The following PRDM16 variants were observed in gnomAD, a reference collection of about 807,000 sequenced individuals.
PRDM16 encodes histone-lysine N-methyltransferase PRDM16.
Under a neutral mutation model 110.6 loss-of-function variants are expected in PRDM16, and 23 were observed. The ratio of observed to expected loss-of-function variants is 0.21; its 90% CI spans 0.15 to 0.29. PRDM16 has a LOEUF of 0.29. PRDM16 is among the 10% of genes least tolerant of loss of function. The pLI is 1.00. For synonymous variants in PRDM16, 799 were observed against 781.8 expected (o/e 1.02, Z -0.37); for missense variants, 1,615 against 1,794.3 (o/e 0.90, Z 1.81).
Position 3,148,082 on chromosome 1 carries a change from C to T in PRDM16, c.38-38043C>T, listed in dbSNP as rs908068100. On this transcript the variant is annotated intron_variant, in intron 1 of 16. Coordinates refer to ENST00000270722, the MANE Select transcript of PRDM16 (RefSeq NM_022114.4). This position sits in a 1 kb window ranked among gnomAD's most constrained non-coding sequence, Gnocchi z 5.0. ...AAGTTCGGCCTTTGGCGTCTTCTCT[C>T]GGGGGCCCTCTGTCCGCCTCAGTTG... Among the ~76,000 whole-genome samples, 2 of 152,098 alleles carry T rather than the reference C, an allele frequency of 1.3e-5. No individual in the cohort carries two copies. Among genetic ancestry groups the T allele is most frequent in the Non-Finnish European group, 2.9e-5 (2 of 68,022 alleles).
At chr1:3,330,493 T>C (rs1209136133) in intron 3 of PRDM16, among the ~76,000 whole-genome samples, 1 of 152,184 alleles carries the variant, frequency 6.6e-6, no homozygotes, top group Non-Finnish European at 1.5e-5. Context: ...TCTGCTCTTC[T>C]TCCCATCTGC....
At chr1:3,173,285 T>C (rs17390062) in intron 1 of PRDM16, among the ~76,000 whole-genome samples, 9,488 of 152,262 alleles carry the variant, frequency 0.062, 431 homozygotes, top group Non-Finnish European at 0.086. Flanking sequence ...CAAAGAGGCT[T>C]TTTACCCGGA....
Position 3,390,092 on chromosome 1 carries a change from C to T in PRDM16, c.573+4806C>T, listed in dbSNP as rs1405119414. ...ATGTTTCAGGAGACACAGACAGGGA[C>T]AGTTCCTGAATTTGTTTTAACGTGA... On this transcript the variant is annotated intron_variant, in intron 4 of 16. Transcript: ENST00000270722. This position sits in a 1 kb window ranked among gnomAD's most constrained non-coding sequence, Gnocchi z 5.0. 2.0e-5 allele frequency among the ~76,000 whole-genome samples: 3 copies of T among 152,124 alleles called. No homozygotes were observed. Among genetic ancestry groups the T allele is most frequent in the South Asian group, 4.2e-4 (2 of 4,818 alleles).
intron 1 of PRDM16, among the ~76,000 whole-genome samples, chr1:3,183,366 C>T (rs1012167355): frequency 1.2e-4 from 18 of 152,368 alleles, no homozygotes; most frequent in Admixed American, 3.9e-4. Flanking sequence ...GTGATCTGTG[C>T]CTGGCCTGCT....
intron 2 of PRDM16, among the ~76,000 whole-genome samples, chr1:3,218,380 C>G (rs1450867777): frequency 6.6e-6 from 1 of 152,202 alleles, no homozygotes; most frequent in Admixed American, 6.5e-5. Context: ...AGGTGCTGGC[C>G]AGCAGCCCCA....
intron 14 of PRDM16, among the ~76,000 whole-genome samples, 200 bp downstream of exon 14, chr1:3,426,425 A>T (rs1638609247): frequency 6.6e-6 from 1 of 151,710 alleles, no homozygotes; most frequent in Non-Finnish European, 1.5e-5. Flanking sequence ...CAGTTCCTCC[A>T]CCTGGAGAGT....
chr1:3,244,166 G>A lies in PRDM16; in HGVS notation c.438+29G>A, dbSNP rs1408908183. 6.2e-7 allele frequency: 1 copy of A among 1,610,896 alleles called. No individual in the cohort carries two copies. The highest frequency in any genetic ancestry group is 1.1e-5 in the South Asian group (1 of 91,046). ...GGAGAGCTCGCCCTGCGCCGTCTCAGCTCCCCAGCGTCCTCGGAGCTCCTG... is the reference window on the plus strand; with the variant it reads ...GGAGAGCTCGCCCTGCGCCGTCTCAACTCCCCAGCGTCCTCGGAGCTCCTG... On this transcript the variant is annotated intron_variant, in intron 3 of 16. Coordinates refer to ENST00000270722, the MANE Select transcript of PRDM16 (RefSeq NM_022114.4). This position sits in a 1 kb window ranked among gnomAD's most constrained non-coding sequence, Gnocchi z 4.1.
chr1:3,333,398 G>A (rs1642082192), intron 3 of PRDM16, among the ~76,000 whole-genome samples: 1 of 152,198 alleles, frequency 6.6e-6, no homozygotes, highest in African/African-American at 2.4e-5. Context: ...TGGCCTGGCT[G>A]CAGGATCTCA....
intron 1 of PRDM16, among the ~76,000 whole-genome samples, chr1:3,083,271 C>G (rs1460365132): frequency 2.0e-5 from 3 of 152,198 alleles, no homozygotes; most frequent in Non-Finnish European, 4.4e-5. Flanking sequence ...AAGCAGCAAC[C>G]TGGCGGCTGG....
intron 1 of PRDM16, among the ~76,000 whole-genome samples, chr1:3,173,578 G>A (rs1302792666): frequency 6.6e-6 from 1 of 152,256 alleles, no homozygotes; most frequent in South Asian, 2.1e-4. Context: ...TTCGTGGGCA[G>A]TGGCTTCGTG....
intron 3 of PRDM16, among the ~76,000 whole-genome samples, chr1:3,250,389 G>A (rs1055019188): frequency 1.3e-5 from 2 of 152,128 alleles, no homozygotes; most frequent in Non-Finnish European, 2.9e-5. Context: ...TTAATGGCCC[G>A]TTAGCATGGC....
Position 3,412,519 on chromosome 1 carries a change from TCTC to T in PRDM16, c.2323_2325del (p.Leu775del). On this transcript the variant is annotated inframe_deletion, in exon 9 of 17. Transcript: ENST00000270722. ...GCCCCAGTGCCGAGTGCCCCTTTGA[TCTC>T]ACCACCAAGCCCAAAGACGTGAAGC... is the stretch of plus-strand genomic sequence containing the variant. The T allele has an allele frequency of 6.2e-7, 1 of 1,612,864 alleles. No individual in the cohort carries two copies. The highest frequency in any genetic ancestry group is 8.5e-7 in the Non-Finnish European group (1 of 1,179,968).
chr1:3,367,828 G>GGGATT (rs2100571864), intron 3 of PRDM16, among the ~76,000 whole-genome samples: 1 of 152,306 alleles, frequency 6.6e-6, no homozygotes, highest in East Asian at 1.9e-4. Flanking sequence ...TTAATTAAAT[G>GGGATT]GGATATGAAA....
At chr1:3,084,716 C>A (rs1642111048) in intron 1 of PRDM16, among the ~76,000 whole-genome samples, 1 of 152,144 alleles carries the variant, frequency 6.6e-6, no homozygotes. Context: ...CTTCAAAAAA[C>A]ACAGTGGGGC....
In PRDM16 at chr1:3,420,812, T is replaced by C. The variant is rs370164236; in HGVS notation, c.2939+2068T>C. Among the ~76,000 whole-genome samples, 20 of 152,186 alleles carry C rather than the reference T, an allele frequency of 1.3e-4. 1 individual carries two copies. The highest frequency in any genetic ancestry group is 4.8e-4 in the African/African-American group (20 of 41,532). On this transcript the variant is annotated intron_variant, in intron 12 of 16. Coordinates refer to ENST00000270722, the MANE Select transcript of PRDM16 (RefSeq NM_022114.4). Reference sequence around the variant, plus strand: ...GGTTGGAGAAGCATGAAAATTGAACTGGGAGTGGGGAGAGGGGCTGCTCCT... The same window carrying C: ...GGTTGGAGAAGCATGAAAATTGAACCGGGAGTGGGGAGAGGGGCTGCTCCT...
chr1:3,204,532 G>A (rs1462764053), intron 2 of PRDM16, among the ~76,000 whole-genome samples: 1 of 152,218 alleles, frequency 6.6e-6, no homozygotes, highest in Non-Finnish European at 1.5e-5. Context: ...CCCTGCCCCT[G>A]TCCCAGGGGA....
chr1:3,142,668 G>A (rs1285938654), intron 1 of PRDM16, among the ~76,000 whole-genome samples: 2 of 152,172 alleles, frequency 1.3e-5, no homozygotes, highest in Non-Finnish European at 2.9e-5. Context: ...GCAACGGAAC[G>A]CCTGGGATTC....
intron 1 of PRDM16, among the ~76,000 whole-genome samples, chr1:3,092,082 A>C (rs1220915703): frequency 1.3e-5 from 2 of 151,980 alleles, no homozygotes; most frequent in African/African-American, 2.4e-5. Context: ...GCAGGATCGC[A>C]GGATGCTCCC....
At chr1:3,227,727 AC>A (rs950417149) in intron 2 of PRDM16, among the ~76,000 whole-genome samples, 1 of 152,138 alleles carries the variant, frequency 6.6e-6, no homozygotes, top group African/African-American at 2.4e-5. Flanking sequence ...GCCAGCCCTA[AC>A]CCTTTAGCTC....
Sources: gnomAD v4.1 joint callset for allele counts (sites outside exome capture counted in the v4.1 genomes callset) on GRCh38, gnomAD v4.1.1 for gene constraint, Gnocchi (gnomAD v3.1) non-coding constraint, MANE v1.5 for transcripts, NCBI Gene and HGNC (gene_info 2026-07-23, HGNC 2026-07-21) for gene names.